ZDHHC2: variants seen among roughly 807,000 people sequenced by gnomAD.
ZDHHC2 encodes the protein zDHHC palmitoyltransferase 2.
ZDHHC2 carries 51 observed loss-of-function variants against 55.6 expected under a neutral mutation model. That is an observed-to-expected ratio of 0.92 (90% CI 0.73 to 1.16). ZDHHC2 has a LOEUF of 1.16. Among genes scored for constraint, ZDHHC2 ranks in the 50% most tolerant of loss-of-function variants. The pLI is 0.00. For synonymous variants in ZDHHC2, 199 were observed against 152.9 expected (o/e 1.30, Z -2.22); for missense variants, 491 against 442.4 (o/e 1.11, Z -0.99).
At chr8:17,195,712 G>GAGTGTTTTACCATTTCAA in intron 4 of ZDHHC2, 88 bp downstream of exon 4, 2 of 1,511,054 alleles carry the variant, frequency 1.3e-6, no homozygotes, top group African/African-American at 1.4e-5. Context: ...TACTTGAAAT[G>GAGTGTTTTACCATTTCAA]GTAAAACACT....
chr8:17,161,128 G>A (rs1804323692), intron 1 of ZDHHC2, among the ~76,000 whole-genome samples: 1 of 152,156 alleles, frequency 6.6e-6, no homozygotes, highest in South Asian at 2.1e-4. Flanking sequence ...AATACACAAA[G>A]CCTCCTACTT....
intron 1 of ZDHHC2, among the ~76,000 whole-genome samples, chr8:17,164,705 C>T (rs910132341): frequency 6.6e-6 from 1 of 151,584 alleles, no homozygotes; most frequent in Non-Finnish European, 1.5e-5. Context: ...AAGATATAAT[C>T]CTTATAAAAA....
At chr8:17,199,995 T>C (rs1453876270) in intron 6 of ZDHHC2, among the ~76,000 whole-genome samples, 1 of 152,070 alleles carries the variant, frequency 6.6e-6, no homozygotes, top group Non-Finnish European at 1.5e-5. Context: ...GACCTTGTGA[T>C]CCGCCCGCCT....
chr8:17,163,267 C>T (rs1317535812), intron 1 of ZDHHC2, among the ~76,000 whole-genome samples: 2 of 152,186 alleles, frequency 1.3e-5, no homozygotes, highest in Non-Finnish European at 2.9e-5. Flanking sequence ...CACTGCTCCC[C>T]CAGCCTGGTA....
chr8:17,192,397 C>T (rs892291767), intron 3 of ZDHHC2, among the ~76,000 whole-genome samples: 10 of 152,150 alleles, frequency 6.6e-5, no homozygotes, highest in African/African-American at 2.4e-4. Context: ...TCTTCATATA[C>T]CTGTTTGCCC....
chr8:17,161,348 T>C (rs151124943), intron 1 of ZDHHC2, among the ~76,000 whole-genome samples: 1,626 of 152,330 alleles, frequency 0.011, 25 homozygotes, highest in African/African-American at 0.037. Context: ...TTAAAAACTG[T>C]GTAGGACAAT....
Position 17,190,858 on chromosome 8 carries a change from C to T in ZDHHC2, c.252+4433C>T, listed in dbSNP as rs73546438. Among the ~76,000 whole-genome samples the T allele has an allele frequency of 5.5e-3, 829 of 150,088 alleles. 8 individuals carry two copies. Among genetic ancestry groups the T allele is most frequent in the African/African-American group, 0.019 (789 of 40,766 alleles). On this transcript the variant is annotated intron_variant, in intron 3 of 12. Coordinates refer to ENST00000262096, the MANE Select transcript of ZDHHC2 (RefSeq NM_016353.5). ...TTTGTATTTTGTGTTACAAAAAATC[C>T]TATTATACTCTTAGTTATTTTAAAA... is the stretch of plus-strand genomic sequence containing the variant.
chr8:17,207,097 A>G (rs2150940791), intron 7 of ZDHHC2, among the ~76,000 whole-genome samples: 1 of 152,304 alleles, frequency 6.6e-6, no homozygotes, highest in South Asian at 2.1e-4. Flanking sequence ...GAATGACCAG[A>G]ATTTTCGCTG....
At chr8:17,192,794 C>T (rs901871307) in intron 3 of ZDHHC2, among the ~76,000 whole-genome samples, 1 of 152,258 alleles carries the variant, frequency 6.6e-6, no homozygotes, top group African/African-American at 2.4e-5. Flanking sequence ...TTGATTTTTG[C>T]GTATGGCAAG....
At chr8:17,168,798 C>CCT (rs1804724670) in intron 1 of ZDHHC2, among the ~76,000 whole-genome samples, 1 of 152,054 alleles carries the variant, frequency 6.6e-6, no homozygotes, top group South Asian at 2.1e-4. Context: ...TCAGAGTTCA[C>CCT]CTGTGTTGTA....
At chr8:17,188,243 A>G (rs1805824097) in intron 3 of ZDHHC2, among the ~76,000 whole-genome samples, 1 of 152,108 alleles carries the variant, frequency 6.6e-6, no homozygotes, top group African/African-American at 2.4e-5. Context: ...GAACCCCACA[A>G]AACTTCATCC....
chr8:17,159,527 C>G (rs1164117589), intron 1 of ZDHHC2, among the ~76,000 whole-genome samples: 2 of 152,156 alleles, frequency 1.3e-5, no homozygotes, highest in Non-Finnish European at 2.9e-5. Context: ...TCCTTGGAAA[C>G]TGGAGATAAT....
Position 17,217,215 on chromosome 8 carries a change from C to T in ZDHHC2, c.*3C>T, listed in dbSNP as rs1199254737. ...TAACCATGGAAAATGAGACTTAACTCTTCAAGCAAGATAAATTCATACTTT... is the reference window on the plus strand; with the variant it reads ...TAACCATGGAAAATGAGACTTAACTTTTCAAGCAAGATAAATTCATACTTT... On this transcript the variant is annotated 3_prime_UTR_variant, in exon 12 of 13. Transcript: ENST00000262096. 2.5e-6 allele frequency: 4 copies of T among 1,609,780 alleles called. No homozygotes were observed. The highest frequency in any genetic ancestry group is 3.4e-6 in the Non-Finnish European group (4 of 1,177,748).
intron 1 of ZDHHC2, among the ~76,000 whole-genome samples, chr8:17,174,934 C>T (rs1805055761): frequency 6.6e-6 from 1 of 151,718 alleles, no homozygotes; most frequent in Non-Finnish European, 1.5e-5. Flanking sequence ...ACCATGTTGC[C>T]AAGGCTGGTC....
At chr8:17,166,868 C>A (rs2150882795) in intron 1 of ZDHHC2, among the ~76,000 whole-genome samples, 1 of 152,208 alleles carries the variant, frequency 6.6e-6, no homozygotes, top group Middle Eastern at 3.4e-3. Context: ...ATTACTGACT[C>A]TGATGACTTT....
At chr8:17,167,304 CTTTTTTTTTTT>C (rs371848954) in intron 1 of ZDHHC2, among the ~76,000 whole-genome samples, 1 of 108,776 alleles carries the variant, frequency 9.2e-6, no homozygotes, top group African/African-American at 3.5e-5. Flanking sequence ...TTTTTTTTAA[CTTTTTTTTTTT>C]TTTTTTTTTT....
chr8:17,214,339 G>A (rs966332921), intron 10 of ZDHHC2, among the ~76,000 whole-genome samples: 1 of 152,120 alleles, frequency 6.6e-6, no homozygotes. Context: ...TTATATTCCT[G>A]CAAAATAGTT....
chr8:17,215,224 A>T lies in ZDHHC2; in HGVS notation c.951-13A>T. 2 of 1,558,022 alleles carry T rather than the reference A, an allele frequency of 1.3e-6. No individual in the cohort carries two copies. The highest frequency in any genetic ancestry group is 1.7e-6 in the Non-Finnish European group (2 of 1,150,374). The stretch of plus-strand genomic sequence containing the variant: ...CTTATGATGATTTTGATGATTATTC[A>T]ATTATTATTCAGTCTCGAAAACCAT... On this transcript the variant is annotated splice_polypyrimidine_tract_variant and intron_variant, in intron 10 of 12. Transcript: ENST00000262096.
In ZDHHC2 at chr8:17,217,247, G is replaced by A; in HGVS notation, c.*34+1G>A. 1 of 1,584,860 alleles carries A rather than the reference G, an allele frequency of 6.3e-7. No homozygotes were observed. The highest frequency in any genetic ancestry group is 8.6e-7 in the Non-Finnish European group (1 of 1,163,852). ...CAAGATAAATTCATACTTTATAAAA[G>A]TACGATAATTTTCCCTTTATTGTTT... On this transcript the variant is annotated splice_donor_variant, in intron 12 of 12. Coordinates refer to ENST00000262096, the MANE Select transcript of ZDHHC2 (RefSeq NM_016353.5). LOFTEE classifies it low-confidence loss of function (3UTR_SPLICE).
Sources: allele counts gnomAD v4.1 joint callset (sites outside exome capture counted in the v4.1 genomes callset), GRCh38; gene constraint gnomAD v4.1.1; transcripts MANE v1.5; gene names NCBI Gene and HGNC (gene_info 2026-07-23, HGNC 2026-07-21).